The following SPATA16 variants were observed in gnomAD, a reference collection of about 807,000 sequenced individuals.
SPATA16 encodes spermatogenesis-associated protein 16.
SPATA16 carries 36 observed loss-of-function variants against 63.3 expected under a neutral mutation model. The ratio of observed to expected loss-of-function variants is 0.57; its 90% CI spans 0.44 to 0.75. SPATA16 has a LOEUF of 0.75. Among genes scored for constraint, SPATA16 ranks in the 30% least tolerant of loss-of-function variants. The probability of loss-of-function intolerance (pLI) is 0.00; values close to 1 mark genes in which losing one functional copy is unlikely to be tolerated. For missense variants in SPATA16, 646 were observed against 679.3 expected, an observed-to-expected ratio of 0.95 and a Z score of 0.54; for synonymous variants, 203 against 216.7, an observed-to-expected ratio of 0.94 and a Z score of 0.56.
At chr3:172,971,806 A>G (rs959944790) in intron 5 of SPATA16, among the ~76,000 whole-genome samples, 1 of 152,114 alleles carries the variant, frequency 6.6e-6, no homozygotes, top group Non-Finnish European at 1.5e-5. Context: ...TGTGGGTGCT[A>G]TTTTTTGCTT....
intron 3 of SPATA16, among the ~76,000 whole-genome samples, chr3:173,034,213 G>A (rs1432785637): frequency 6.6e-6 from 1 of 152,102 alleles, no homozygotes; most frequent in Non-Finnish European, 1.5e-5. Flanking sequence ...ATGGAAATAA[G>A]TGTTTGTCTG....
At chr3:172,921,150 C>T (rs1231203348) in intron 8 of SPATA16, among the ~76,000 whole-genome samples, 2 of 151,280 alleles carry the variant, frequency 1.3e-5, no homozygotes, top group African/African-American at 4.9e-5. Flanking sequence ...TGTCCTTCCA[C>T]TTCTGCCTCC....
intron 8 of SPATA16, among the ~76,000 whole-genome samples, chr3:172,922,527 G>C: frequency 6.6e-6 from 1 of 152,220 alleles, no homozygotes; most frequent in East Asian, 1.9e-4. Flanking sequence ...ATAATGCCCA[G>C]TAAGGCCCAA....
chr3:172,946,245 A>T (rs928815770), intron 6 of SPATA16, among the ~76,000 whole-genome samples: 2 of 152,188 alleles, frequency 1.3e-5, no homozygotes, highest in Non-Finnish European at 1.5e-5. Context: ...GGTGAAATCC[A>T]GGCCTATACT....
chr3:172,950,768 A>G (rs973485313), intron 6 of SPATA16, among the ~76,000 whole-genome samples: 4 of 152,160 alleles, frequency 2.6e-5, no homozygotes, highest in Non-Finnish European at 5.9e-5. Flanking sequence ...GCGAACATAC[A>G]TATTTACTCT....
rs750214734 is a variant in SPATA16, at chr3:173,019,556, C to T, written c.778G>A (p.Ala260Thr). 2 of 1,613,838 alleles carry T rather than the reference C, an allele frequency of 1.2e-6. No homozygotes were observed. The highest frequency in any genetic ancestry group is 1.7e-6 in the Non-Finnish European group (2 of 1,179,948). Residue 260 changes from alanine to threonine, a missense_variant, in exon 4 of 11, where the codon GCC (alanine) becomes ACC (threonine). Transcript: ENST00000351008. ...TGACGAAGATGATTCCGGAAATAGG[C>T]TGGGTTTAAAACAATGCTCCTGTAA... ...HAHRSIVLNPAYFRNHLRQAT... is the reference protein window; with the variant it reads ...HAHRSIVLNPTYFRNHLRQAT...
chr3:173,018,651 G>A (rs1735251295), intron 4 of SPATA16, among the ~76,000 whole-genome samples: 1 of 152,118 alleles, frequency 6.6e-6, no homozygotes. Context: ...GTTCTAGACA[G>A]TAGTCACCTG....
At chr3:173,024,615 A>G (rs1481526314) in intron 3 of SPATA16, among the ~76,000 whole-genome samples, 1 of 150,832 alleles carries the variant, frequency 6.6e-6, no homozygotes, top group African/African-American at 2.4e-5. Flanking sequence ...TACATCCAGG[A>G]TGAGAAATGA....
At chr3:173,076,747 TC>T (rs1736814980) in intron 2 of SPATA16, among the ~76,000 whole-genome samples, 1 of 152,150 alleles carries the variant, frequency 6.6e-6, no homozygotes, top group African/African-American at 2.4e-5. Context: ...TATTCACTAA[TC>T]TTTCAGGAAA....
At chr3:172,962,691 TTTTA>T (rs1330648119) in intron 5 of SPATA16, among the ~76,000 whole-genome samples, 1 of 152,102 alleles carries the variant, frequency 6.6e-6, no homozygotes, top group Non-Finnish European at 1.5e-5. Context: ...AATATTACAG[TTTTA>T]TTGTTTTATT....
chr3:173,014,713 G>A lies in SPATA16; in HGVS notation c.848+4773C>T, dbSNP rs550012284. On this transcript the variant is annotated intron_variant, in intron 4 of 10. Transcript: ENST00000351008. ...CCTACATTCCCATAGAGCAACATTA[G>A]TTGGACTTGAGTGATGGCCACTCTC... Among the ~76,000 whole-genome samples the A allele has an allele frequency of 5.9e-5, 9 of 152,336 alleles. No homozygotes were observed. In the East Asian group the frequency reaches 1.7e-3, roughly 29 times the overall value.
intron 2 of SPATA16, among the ~76,000 whole-genome samples, chr3:173,076,000 C>T (rs978792091): frequency 1.2e-4 from 19 of 152,014 alleles, no homozygotes; most frequent in African/African-American, 3.9e-4. Flanking sequence ...TAATTACCCC[C>T]GATTTGATCA....
At chr3:173,049,383 A>T (rs1441704760) in intron 2 of SPATA16, among the ~76,000 whole-genome samples, 2 of 152,288 alleles carry the variant, frequency 1.3e-5, no homozygotes, top group East Asian at 3.9e-4. Context: ...AATATTTTAA[A>T]AGTATGATAG....
intron 1 of SPATA16, among the ~76,000 whole-genome samples, chr3:173,120,439 G>C (rs1738031279): frequency 2.0e-5 from 3 of 152,034 alleles, no homozygotes; most frequent in Non-Finnish European, 4.4e-5. Context: ...AATATAAACA[G>C]GCAACATCGG....
chr3:173,092,438 C>G (rs1322923599), intron 2 of SPATA16, among the ~76,000 whole-genome samples: 1 of 152,148 alleles, frequency 6.6e-6, no homozygotes, highest in South Asian at 2.1e-4. Context: ...GAAAGCTGCA[C>G]ATAGAATTAA....
chr3:173,011,948 GTACTACA>G, intron 4 of SPATA16, among the ~76,000 whole-genome samples: 1 of 152,196 alleles, frequency 6.6e-6, no homozygotes, highest in East Asian at 1.9e-4. Context: ...TGAGTAGCTA[GTACTACA>G]TGTGTGTGCC....
chr3:173,028,001 CCCTCCCTCCCTCCCTTCCTTCTTT>C (rs1735494408), intron 3 of SPATA16, among the ~76,000 whole-genome samples: 1 of 63,202 alleles, frequency 1.6e-5, no homozygotes, highest in African/African-American at 7.3e-5. Flanking sequence ...CTCCCTCCCT[CCCTCCCTCCCTCCCTTCCTTCTTT>C]CCTTCCTTCC....
chr3:173,045,253 G>A (rs1389732091), intron 3 of SPATA16, among the ~76,000 whole-genome samples: 1 of 152,016 alleles, frequency 6.6e-6, no homozygotes, highest in Middle Eastern at 3.2e-3. Context: ...AGTTTGGTGA[G>A]ACTGTAGTTT....
chr3:172,931,238 T>C (rs1732863945), intron 6 of SPATA16, among the ~76,000 whole-genome samples: 1 of 152,206 alleles, frequency 6.6e-6, no homozygotes, highest in Admixed American at 6.5e-5. Context: ...CTTTTTTGTT[T>C]AATTTTTGGT....
Sources: allele counts gnomAD v4.1 joint callset (sites outside exome capture counted in the v4.1 genomes callset), GRCh38; gene constraint gnomAD v4.1.1; transcripts MANE v1.5; gene names NCBI Gene and HGNC (gene_info 2026-07-23, HGNC 2026-07-21).